ST7L: variants seen among roughly 807,000 people sequenced by gnomAD.
ST7L encodes suppressor of tumorigenicity 7 protein-like.
In ST7L, 57 loss-of-function variants were observed where a neutral mutation model predicts 72.5. The observed-to-expected ratio is 0.79, with a 90% CI of 0.64 to 0.98. The LOEUF (loss-of-function observed/expected upper bound fraction) is 0.98. ST7L is among the 50% of genes least tolerant of loss of function. The pLI, the probability that ST7L is intolerant of heterozygous loss-of-function variation, is 0.00. For synonymous variants in ST7L, 221 were observed against 240.9 expected (o/e 0.92, Z 0.77); for missense variants, 576 against 672.2 (o/e 0.86, Z 1.58).
At position 112,610,958 on chromosome 1, in the gene ST7L, C is replaced by G. The variant is rs199662831; in HGVS notation, c.334G>C (p.Glu112Gln). The change falls in exon 3 of 15, where the codon GAG becomes CAG. Residue 112 changes from glutamate to glutamine, a missense_variant. By Grantham distance (29) the Glu-to-Gln change is conservative. Coordinates refer to ENST00000358039, the MANE Select transcript of ST7L (RefSeq NM_017744.5). ...YFHKHGTSFI[E>Q]QVSVSHLQPL... ...TGCAAATGGCTTACAGATACTTGCT[C>G]AATAAAAGATGTGCCATGCTTATGG... is the stretch of plus-strand genomic sequence containing the variant. 1 of 1,614,136 alleles carries G rather than the reference C, an allele frequency of 6.2e-7. No individual in the cohort carries two copies. The highest frequency in any genetic ancestry group is 8.5e-7 in the Non-Finnish European group (1 of 1,180,020).
At chr1:112,573,348 CAAAAAAAAAA>C (rs35107656) in intron 11 of ST7L, among the ~76,000 whole-genome samples, 3 of 69,664 alleles carry the variant, frequency 4.3e-5, no homozygotes, top group Non-Finnish European at 8.0e-5. Flanking sequence ...AACTCCCTCT[CAAAAAAAAAA>C]AAAAAAAAAA....
intron 9 of ST7L, among the ~76,000 whole-genome samples, chr1:112,580,289 C>T (rs948198873): frequency 6.6e-6 from 1 of 152,210 alleles, no homozygotes; most frequent in Admixed American, 6.5e-5. Context: ...GCTGGGACTA[C>T]AGGCGCATGC....
At chr1:112,572,621 A>G (rs1213810515) in intron 11 of ST7L, among the ~76,000 whole-genome samples, 1 of 152,224 alleles carries the variant, frequency 6.6e-6, no homozygotes, top group Admixed American at 6.5e-5. Flanking sequence ...TCACACCTGT[A>G]ATCCCAGCAC....
At chr1:112,582,281 A>G (rs1398143835) in intron 8 of ST7L, 94 bp downstream of exon 8, 12 of 1,006,418 alleles carry the variant, frequency 1.2e-5, no homozygotes, top group Non-Finnish European at 1.8e-5. Flanking sequence ...ACCAATTAAA[A>G]TACAATGATT....
intron 6 of ST7L, among the ~76,000 whole-genome samples, chr1:112,587,943 A>C (rs1220161886): frequency 6.6e-6 from 1 of 152,212 alleles, no homozygotes; most frequent in African/African-American, 2.4e-5. Context: ...CCAATCCATG[A>C]ACATGGGATG....
At chr1:112,581,112 A>C (rs7554916) in intron 9 of ST7L, among the ~76,000 whole-genome samples, 75,677 of 151,996 alleles carry the variant, frequency 0.5, 19,216 homozygotes, top group East Asian at 0.64. Context: ...CTTGTCCCAC[A>C]ACATCATAAG....
intron 3 of ST7L, among the ~76,000 whole-genome samples, chr1:112,601,094 T>G (rs940791241): frequency 2.0e-5 from 3 of 152,222 alleles, no homozygotes; most frequent in African/African-American, 7.2e-5. Flanking sequence ...TGCTTGGTTT[T>G]GTTTCCCCTT....
At position 112,618,997 on chromosome 1, in the gene ST7L, C is replaced by G. The variant is rs1172064149; in HGVS notation, c.117G>C (p.Gly39=). The G allele has an allele frequency of 3.7e-6, 6 of 1,612,272 alleles. No individual in the cohort carries two copies. The highest frequency in any genetic ancestry group is 5.1e-6 in the Non-Finnish European group (6 of 1,179,304). ...CCACGAACCACAACGAGGCCCCAGT[C>G]CCCGCCAGCCCGGCCCGCAGTCGCT... ...WRERLRAGLA[G]TGASLWFVAG... The change falls in exon 1 of 15, where the codon GGG becomes GGC. Residue 39 remains glycine, a synonymous_variant. Transcript: ENST00000358039.
intron 9 of ST7L, among the ~76,000 whole-genome samples, chr1:112,578,898 C>T (rs1413180374): frequency 6.6e-6 from 1 of 152,112 alleles, no homozygotes; most frequent in East Asian, 1.9e-4. Flanking sequence ...AGGAAAAACC[C>T]GTATATGAAG....
intron 13 of ST7L, among the ~76,000 whole-genome samples, chr1:112,543,891 A>AAAC (rs397981264): frequency 7.1e-4 from 106 of 150,256 alleles, no homozygotes; most frequent in African/African-American, 2.4e-3. Flanking sequence ...AAAAAAAAAA[A>AAAC]CCTAAACTAG....
rs1042480213 is a variant in ST7L, at chr1:112,582,255, C to A, written c.954+120G>T. 77 of 905,080 alleles carry A rather than the reference C, an allele frequency of 8.5e-5. 1 individual carries two copies. In the Admixed American group the frequency reaches 1.9e-3, roughly 22 times the overall value. 56.1% of individuals were successfully genotyped at this position (905,080 alleles called of 1,614,324 possible). On this transcript the variant is annotated intron_variant, in intron 8 of 14. Coordinates refer to ENST00000358039, the MANE Select transcript of ST7L (RefSeq NM_017744.5). ...GAAAGGTACGTATATTAAATAAATA[C>A]CTTGTTCTAAAAACTACCAATTAAA...
rs567601091 is a variant in ST7L at position 112,551,138 on chromosome 1, C to CTT, written c.1397-447_1397-446dup. On this transcript the variant is annotated intron_variant, in intron 12 of 14. Transcript: ENST00000358039. ...TCACCAAAGCTTTCTATGAGCAGATCTTTTTTTTTTTTTTTTTTTTTTTTT... is the reference window on the plus strand; with the variant it reads ...TCACCAAAGCTTTCTATGAGCAGATCTTTTTTTTTTTTTTTTTTTTTTTTTTT... Among the ~76,000 whole-genome samples the CTT allele has an allele frequency of 6.0e-3, 466 of 77,220 alleles. 78 individuals carry two copies. The highest frequency in any genetic ancestry group is 0.023 in the African/African-American group (369 of 15,778). 50.7% of individuals were successfully genotyped at this position (77,220 alleles called of 152,430 possible). A position where few individuals can be genotyped will look rare whatever the true frequency, so the allele number is the denominator to read the frequency against.
chr1:112,552,891 G>A (rs1183288871), intron 12 of ST7L, among the ~76,000 whole-genome samples: 1 of 151,776 alleles, frequency 6.6e-6, no homozygotes, highest in Non-Finnish European at 1.5e-5. Context: ...ATTGCCTGAG[G>A]CCAGGAGTTC....
intron 3 of ST7L, among the ~76,000 whole-genome samples, chr1:112,605,956 T>C (rs992832977): frequency 6.6e-6 from 1 of 152,242 alleles, no homozygotes; most frequent in Non-Finnish European, 1.5e-5. Context: ...TCAATACATG[T>C]TGACAATTGA....
chr1:112,618,862 A>T, intron 1 of ST7L, 47 bp downstream of exon 1: 15 of 1,531,816 alleles, frequency 9.8e-6, no homozygotes, highest in Non-Finnish European at 1.2e-5. Flanking sequence ...TGCCCCCGAC[A>T]TCTCTCCTGG....
At chr1:112,545,256 C>T (rs554762206) in intron 13 of ST7L, among the ~76,000 whole-genome samples, 100 of 151,788 alleles carry the variant, frequency 6.6e-4, no homozygotes, top group Non-Finnish European at 1.3e-3. Flanking sequence ...GGAGTTTGCA[C>T]CAAGTTAGAA....
chr1:112,517,839 A>G, the ST7L span: 625 of 156,572 alleles, frequency 4.0e-3, 2 homozygotes, highest in African/African-American at 0.014. Flanking sequence ...AAATGTAGGG[A>G]AAAAAAAGAA....
chr1:112,589,609 A>G (rs1170049718), intron 6 of ST7L, among the ~76,000 whole-genome samples: 1 of 152,216 alleles, frequency 6.6e-6, no homozygotes. Context: ...GTCATGTGTG[A>G]CCAGTGATGT....
intron 11 of ST7L, among the ~76,000 whole-genome samples, chr1:112,564,817 CAAAA>C (rs780771291): frequency 1.6e-4 from 7 of 43,124 alleles, no homozygotes; most frequent in African/African-American, 3.6e-4. Flanking sequence ...AACTGCATCT[CAAAA>C]AAAAAAAAAA....
Sources: gnomAD v4.1 joint callset for allele counts (sites outside exome capture counted in the v4.1 genomes callset) on GRCh38, gnomAD v4.1.1 for gene constraint, MANE v1.5 for transcripts, NCBI Gene and HGNC (gene_info 2026-07-23, HGNC 2026-07-21) for gene names.